The following MTHFD1 variants were observed in gnomAD, a reference collection of about 807,000 sequenced individuals.
MTHFD1 encodes C-1-tetrahydrofolate synthase, cytoplasmic.
Under a neutral mutation model 110.3 loss-of-function variants are expected in MTHFD1, and 44 were observed. The ratio of observed to expected loss-of-function variants is 0.40; its 90% confidence interval spans 0.31 to 0.51. The LOEUF (loss-of-function observed/expected upper bound fraction) is 0.51, where lower values mean the gene tolerates loss of function less well. Among genes scored for constraint, MTHFD1 ranks in the 20% least tolerant of loss-of-function variants. The pLI, the probability that MTHFD1 is intolerant of heterozygous loss-of-function variation, is 0.60. For synonymous variants in MTHFD1, 402 were observed against 428.8 expected (o/e 0.94, Z 0.77); for missense variants, 909 against 1,173.1 (o/e 0.77, Z 3.29).
chr14:64,415,252 A>C (rs2078016095), intron 4 of MTHFD1, 106 bp from the exon 5 acceptor site: 1 of 904,244 alleles, frequency 1.1e-6, no homozygotes. Flanking sequence ...ACTATAATTA[A>C]AGTGTTGGGG....
intron 12 of MTHFD1, among the ~76,000 whole-genome samples, chr14:64,428,829 G>A (rs1410214285): frequency 6.6e-6 from 1 of 151,604 alleles, no homozygotes; most frequent in Admixed American, 6.6e-5. Context: ...TGGGATAATA[G>A]GCATGAGCCA....
chr14:64,459,731 A>AT (rs1389216666), intron 27 of MTHFD1, 28 bp from the exon 28 acceptor site: 13 of 1,518,088 alleles, frequency 8.6e-6, no homozygotes, highest in Admixed American at 8.1e-5. Flanking sequence ...GCTTAGAGAA[A>AT]ACATTTATTT....
intron 1 of MTHFD1, among the ~76,000 whole-genome samples, chr14:64,393,070 G>A (rs1423366829): frequency 1.3e-5 from 2 of 152,206 alleles, no homozygotes; most frequent in Non-Finnish European, 1.5e-5. Context: ...ACTTTGTCCT[G>A]TAGATTAAAT....
chr14:64,450,285 T>C lies in MTHFD1; in HGVS notation c.2457+663T>C, dbSNP rs141418656. 1.8e-4 allele frequency among the ~76,000 whole-genome samples: 28 copies of C among 152,366 alleles called. No individual in the cohort carries two copies. The East Asian group carries it at 4.2e-3, about 23-fold the overall frequency. The stretch of plus-strand genomic sequence containing the variant: ...CCTTTAAAACAAGGCACCAACCATG[T>C]AGCAGATTGGTAAGGGGCTGCATCG... On this transcript the variant is annotated intron_variant, in intron 24 of 27. Coordinates refer to ENST00000652337, the MANE Select transcript of MTHFD1 (RefSeq NM_005956.4).
At chr14:64,414,286 C>CT (rs3062425) in intron 4 of MTHFD1, among the ~76,000 whole-genome samples, 18 of 86,434 alleles carry the variant, frequency 2.1e-4, no homozygotes, top group East Asian at 1.3e-3. Context: ...CCTGTCCCCG[C>CT]TTTTTTTTTT....
Position 64,417,650 on chromosome 14 carries a change from A to T in MTHFD1, c.479-238A>T, listed in dbSNP as rs1211211243. Among the ~76,000 whole-genome samples, 3 of 152,062 alleles carry T rather than the reference A, an allele frequency of 2.0e-5. No individual in the cohort carries two copies. Among genetic ancestry groups the T allele is most frequent in the Non-Finnish European group, 4.4e-5 (3 of 68,016 alleles). On this transcript the variant is annotated intron_variant, in intron 6 of 27. Coordinates refer to ENST00000652337, the MANE Select transcript of MTHFD1 (RefSeq NM_005956.4). This position sits in a 1 kb window ranked among gnomAD's most constrained non-coding sequence, Gnocchi z 4.4. ...CCACTCCCCTATGACTCAATGAATGATCTTGGCTTAAGCTGCTCCCAAAAA... is the reference window on the plus strand; with the variant it reads ...CCACTCCCCTATGACTCAATGAATGTTCTTGGCTTAAGCTGCTCCCAAAAA...
intron 2 of MTHFD1, among the ~76,000 whole-genome samples, chr14:64,404,775 A>G (rs1366498324): frequency 2.0e-5 from 3 of 152,158 alleles, no homozygotes; most frequent in African/African-American, 7.2e-5. Context: ...GTTTGAGACT[A>G]GCCTGGCCAA....
intron 4 of MTHFD1, among the ~76,000 whole-genome samples, chr14:64,414,510 T>G (rs1322181235): frequency 1.3e-5 from 2 of 152,104 alleles, no homozygotes; most frequent in African/African-American, 4.8e-5. Flanking sequence ...CAGGCTGGTT[T>G]CAAACTCCTG....
chr14:64,441,699 G>A (rs1022582274), intron 19 of MTHFD1: 33 of 554,552 alleles, frequency 6.0e-5, no homozygotes, highest in African/African-American at 4.2e-4. Flanking sequence ...CCAGCTGCTC[G>A]GAAGGTTGAG....
rs752976671 is a variant in MTHFD1, at chr14:64,389,762, TGGC to T, written c.41+1295_41+1297del. 9.8e-5 allele frequency among the ~76,000 whole-genome samples: 15 copies of T among 152,296 alleles called. No homozygotes were observed. In the South Asian group the frequency reaches 1.4e-3, roughly 15 times the overall value. On this transcript the variant is annotated intron_variant, in intron 1 of 27. Transcript: ENST00000652337. ...TTACTGCTTAGTGCTTTTCAACATG[TGGC>T]TTGCTAAACTGTATTTCTGCTTTAC...
At chr14:64,405,264 G>T (rs911648382) in intron 2 of MTHFD1, among the ~76,000 whole-genome samples, 1 of 152,052 alleles carries the variant, frequency 6.6e-6, no homozygotes. Context: ...AGCAACATTG[G>T]GGGTGTTTTT....
rs539169402 is a variant in MTHFD1, at chr14:64,449,787, A to G, written c.2457+165A>G. ...CCACAGCCTGGACTCCCAGCTGTAG[A>G]CAGCCTTCTTTTTATTTTTGAGACG... On this transcript the variant is annotated intron_variant, in intron 24 of 27. Transcript: ENST00000652337. 470 of 815,176 alleles carry G rather than the reference A, an allele frequency of 5.8e-4. No homozygotes were observed. The African/African-American group carries it at 6.9e-3, about 12-fold the overall frequency. The allele number at this position is 815,176 out of a possible 1,614,324, so 50.5% of individuals were successfully genotyped here. A position where few individuals can be genotyped will look rare whatever the true frequency, so the allele number is the denominator to read the frequency against.
At chr14:64,407,299 C>A (rs2140950303) in intron 2 of MTHFD1, among the ~76,000 whole-genome samples, 2 of 151,914 alleles carry the variant, frequency 1.3e-5, no homozygotes, top group Middle Eastern at 6.8e-3. Flanking sequence ...GACTTTGTCT[C>A]CAAAAAAATA....
At chr14:64,400,976 T>G (rs2077891111) in intron 2 of MTHFD1, 99 bp downstream of exon 2, 1 of 879,198 alleles carries the variant, frequency 1.1e-6, no homozygotes, top group Admixed American at 2.0e-5. Flanking sequence ...TTTTGGCTGT[T>G]GTGTAATCTC....
Position 64,415,645 on chromosome 14 carries a change from T to C in MTHFD1, c.384T>C (p.Thr128=). Reference sequence around the variant, plus strand: ...TTTCCATCACTTTTTTAAGATTGACTAGCATCAATGCTGGGAAACTTGCTA... The same window carrying C: ...TTTCCATCACTTTTTTAAGATTGACCAGCATCAATGCTGGGAAACTTGCTA... ...IAPEKDVDGL[T]SINAGKLARG... is the part of the protein sequence containing the mutation. Residue 128 remains threonine, a synonymous_variant, in exon 6 of 28, where the codon ACT becomes ACC. Transcript: ENST00000652337. 6.2e-7 allele frequency: 1 copy of C among 1,611,352 alleles called. No homozygotes were observed. The highest frequency in any genetic ancestry group is 8.5e-7 in the Non-Finnish European group (1 of 1,177,456).
At chr14:64,419,728 C>A in intron 7 of MTHFD1, 86 bp from the exon 8 acceptor site, 1 of 893,168 alleles carries the variant, frequency 1.1e-6, no homozygotes, top group Non-Finnish European at 1.9e-6. Context: ...TAATACAAAG[C>A]TCAGGGATAT....
chr14:64,436,049 T>A (rs1167877991), intron 16 of MTHFD1, among the ~76,000 whole-genome samples: 1 of 152,146 alleles, frequency 6.6e-6, no homozygotes, highest in Non-Finnish European at 1.5e-5. Context: ...TTAGAACTCT[T>A]GTGTGGCATA....
intron 12 of MTHFD1, among the ~76,000 whole-genome samples, chr14:64,429,457 G>C (rs1216688555): frequency 1.3e-5 from 2 of 151,624 alleles, no homozygotes; most frequent in Admixed American, 6.6e-5. Flanking sequence ...AGCCATGCTT[G>C]GTGTCCTGAA....
At chr14:64,396,134 A>T (rs1380371234) in intron 1 of MTHFD1, among the ~76,000 whole-genome samples, 1 of 152,020 alleles carries the variant, frequency 6.6e-6, no homozygotes, top group East Asian at 1.9e-4. Flanking sequence ...AATTATAATA[A>T]TTTTTTTAGT....
Sources: gnomAD v4.1 joint callset for allele counts (sites outside exome capture counted in the v4.1 genomes callset) on GRCh38, gnomAD v4.1.1 for gene constraint, Gnocchi (gnomAD v3.1) non-coding constraint, MANE v1.5 for transcripts, NCBI Gene and HGNC (gene_info 2026-07-23, HGNC 2026-07-21) for gene names.